Variants in TCERG1L observed in about 807,000 individuals in gnomAD.
TCERG1L encodes transcription elongation regulator 1-like protein.
In TCERG1L, 37 loss-of-function variants were observed where a neutral mutation model predicts 56.3. The observed-to-expected ratio is 0.66, with a 90% CI of 0.51 to 0.87. The LOEUF (loss-of-function observed/expected upper bound fraction) is 0.87, where lower values mean the gene tolerates loss of function less well. Ranked by LOEUF, TCERG1L falls within the 40% of genes least tolerant of loss-of-function variation. TCERG1L has a pLI of 0.00. For missense variants in TCERG1L, 799 were observed against 774.2 expected (o/e 1.03, Z -0.38); for synonymous variants, 324 against 326.3 (o/e 0.99, Z 0.08).
At position 131,122,136 on chromosome 10, in the gene TCERG1L, A is replaced by T. The variant is rs142450057; in HGVS notation, c.1260-5202T>A. ...CGGAACCTAAAATGTTAGGCCTATGATATAATAAATAATTAATCTGGTCTT... is the reference window on the plus strand; with the variant it reads ...CGGAACCTAAAATGTTAGGCCTATGTTATAATAAATAATTAATCTGGTCTT... On this transcript the variant is annotated intron_variant, in intron 8 of 11. Coordinates refer to ENST00000368642, the MANE Select transcript of TCERG1L (RefSeq NM_174937.4). Among the ~76,000 whole-genome samples the T allele has an allele frequency of 7.2e-5, 11 of 152,322 alleles. No individual in the cohort carries two copies. The East Asian group carries it at 2.1e-3, about 29-fold the overall frequency.
intron 4 of TCERG1L, among the ~76,000 whole-genome samples, chr10:131,241,556 TAA>T (rs1446087268): frequency 2.0e-5 from 3 of 151,598 alleles, no homozygotes; most frequent in South Asian, 2.1e-4. Context: ...TATAAAAACA[TAA>T]GAGAGGACAT....
chr10:131,114,764 G>A (rs1257485080), intron 9 of TCERG1L, among the ~76,000 whole-genome samples: 5 of 152,154 alleles, frequency 3.3e-5, no homozygotes, highest in Admixed American at 2.0e-4. Flanking sequence ...AATTGGGCCT[G>A]GCTCATTTCC....
chr10:131,242,144 G>A (rs1845980582), intron 4 of TCERG1L, among the ~76,000 whole-genome samples: 1 of 152,176 alleles, frequency 6.6e-6, no homozygotes, highest in Non-Finnish European at 1.5e-5. Flanking sequence ...GTGAGATTGT[G>A]AACTGGGAAA....
At chr10:131,141,215 T>C (rs1263561963) in intron 7 of TCERG1L, among the ~76,000 whole-genome samples, 2 of 152,156 alleles carry the variant, frequency 1.3e-5, no homozygotes, top group African/African-American at 4.8e-5. Flanking sequence ...GGTGCTGTGA[T>C]CTCTGCAGGG....
At chr10:131,288,918 C>G (rs1278890620) in intron 3 of TCERG1L, among the ~76,000 whole-genome samples, 1 of 152,178 alleles carries the variant, frequency 6.6e-6, no homozygotes, top group Admixed American at 6.5e-5. Context: ...CGTCTGGCTT[C>G]CCAAGCTGAG....
intron 4 of TCERG1L, among the ~76,000 whole-genome samples, chr10:131,229,090 G>A (rs144993328): frequency 3.4e-5 from 3 of 87,876 alleles, no homozygotes; most frequent in African/African-American, 1.3e-4. Flanking sequence ...CAAGGCCTCC[G>A]GAGTCTTCCC....
chr10:131,213,816 C>T (rs181075459), intron 4 of TCERG1L, among the ~76,000 whole-genome samples: 67 of 152,304 alleles, frequency 4.4e-4, no homozygotes, highest in African/African-American at 1.4e-3. Flanking sequence ...TGTGCTGGGC[C>T]CTGCTTCAGG....
chr10:131,168,188 A>G (rs1008516652), intron 4 of TCERG1L, among the ~76,000 whole-genome samples: 2 of 152,228 alleles, frequency 1.3e-5, no homozygotes, highest in African/African-American at 4.8e-5. Context: ...ATGCACACAC[A>G]CACATAGAAA....
At chr10:131,280,134 C>T (rs868256287) in intron 3 of TCERG1L, among the ~76,000 whole-genome samples, 1 of 152,218 alleles carries the variant, frequency 6.6e-6, no homozygotes. Context: ...ACATTCTATA[C>T]ATTCAAAGCC....
chr10:131,309,445 T>A, intron 1 of TCERG1L, 146 bp from the exon 2 acceptor site: 2 of 1,075,152 alleles, frequency 1.9e-6, no homozygotes, highest in East Asian at 2.9e-5. Context: ...CGAGAAAAAC[T>A]ATAAGTATGT....
intron 4 of TCERG1L, among the ~76,000 whole-genome samples, chr10:131,231,426 G>C (rs948849176): frequency 1.3e-5 from 2 of 152,220 alleles, no homozygotes; most frequent in African/African-American, 2.4e-5. Flanking sequence ...ACCCCAGTTA[G>C]AGAGAAATGA....
At chr10:131,243,679 G>A (rs1412182208) in intron 4 of TCERG1L, among the ~76,000 whole-genome samples, 1 of 152,212 alleles carries the variant, frequency 6.6e-6, no homozygotes, top group African/African-American at 2.4e-5. Flanking sequence ...TGATGTGAGA[G>A]GCACGTGACC....
chr10:131,230,500 G>A (rs1337726258), intron 4 of TCERG1L, among the ~76,000 whole-genome samples: 2 of 152,206 alleles, frequency 1.3e-5, no homozygotes, highest in East Asian at 1.9e-4. Context: ...GAGGGACGCT[G>A]GGGAAAAGAA....
chr10:131,206,499 T>C (rs544105290), intron 4 of TCERG1L, among the ~76,000 whole-genome samples: 1 of 152,316 alleles, frequency 6.6e-6, no homozygotes, highest in South Asian at 2.1e-4. Flanking sequence ...GTTTTATCCA[T>C]GGAACAAGCG....
intron 4 of TCERG1L, among the ~76,000 whole-genome samples, chr10:131,185,416 T>C (rs1845224970): frequency 6.6e-6 from 1 of 152,070 alleles, no homozygotes; most frequent in African/African-American, 2.4e-5. Context: ...ACTTGTGCAT[T>C]AAAGAACACC....
At chr10:131,198,388 C>A (rs1182886532) in intron 4 of TCERG1L, among the ~76,000 whole-genome samples, 1 of 152,262 alleles carries the variant, frequency 6.6e-6, no homozygotes, top group African/African-American at 2.4e-5. Context: ...AGGGCCAGGA[C>A]TCACGGGAAG....
At chr10:131,287,580 C>A (rs1272222345) in intron 3 of TCERG1L, among the ~76,000 whole-genome samples, 2 of 152,138 alleles carry the variant, frequency 1.3e-5, no homozygotes, top group East Asian at 3.9e-4. Flanking sequence ...GAAGTACAGT[C>A]CAGATATAGA....
At chr10:131,188,065 G>C (rs904016387) in intron 4 of TCERG1L, among the ~76,000 whole-genome samples, 1 of 152,186 alleles carries the variant, frequency 6.6e-6, no homozygotes, top group Non-Finnish European at 1.5e-5. Context: ...AGTGACAGCC[G>C]GGCAGGGCTG....
chr10:131,172,801 C>T (rs1846107776), intron 4 of TCERG1L, among the ~76,000 whole-genome samples: 1 of 152,100 alleles, frequency 6.6e-6, no homozygotes, highest in African/African-American at 2.4e-5. Flanking sequence ...ATCTAGTGAC[C>T]CCATTTCCAT....
Sources: allele counts gnomAD v4.1 joint callset (sites outside exome capture counted in the v4.1 genomes callset), GRCh38; gene constraint gnomAD v4.1.1; transcripts MANE v1.5; gene names NCBI Gene and HGNC (gene_info 2026-07-23, HGNC 2026-07-21).